ACTN4: variants seen among roughly 807,000 people sequenced by gnomAD.
ACTN4 encodes alpha-actinin-4.
In ACTN4, 18 loss-of-function variants were observed where a neutral mutation model predicts 114.2. The ratio of observed to expected loss-of-function variants is 0.16; its 90% CI spans 0.11 to 0.23. The LOEUF (loss-of-function observed/expected upper bound fraction) is 0.23. Ranked by LOEUF, ACTN4 falls within the 10% of genes least tolerant of loss-of-function variation. ACTN4 has a pLI of 1.00. For missense variants in ACTN4, 722 were observed against 1,262.9 expected (o/e 0.57, Z 6.49); for synonymous variants, 515 against 506.3 (o/e 1.02, Z -0.23).
rs370405322 is a variant in ACTN4 at position 38,712,814 on chromosome 19, A to G, written c.820-1655A>G. On this transcript the variant is annotated intron_variant, in intron 8 of 20. Coordinates refer to ENST00000252699, the MANE Select transcript of ACTN4 (RefSeq NM_004924.6). ...GCCTCACCAGATTGCTTTTCTTTCT[A>G]CCCACACTGCTCCCCTGTGCTTAGG... 1.1e-3 allele frequency among the ~76,000 whole-genome samples: 165 copies of G among 151,942 alleles called. 4 individuals are homozygous for G. In the South Asian group the frequency reaches 0.027, roughly 24 times the overall value.
At chr19:38,698,435 T>C (rs1968162442) in intron 1 of ACTN4, among the ~76,000 whole-genome samples, 1 of 152,140 alleles carries the variant, frequency 6.6e-6, no homozygotes, top group Non-Finnish European at 1.5e-5. Flanking sequence ...GAACCTGCCT[T>C]GGCTCCCCTC....
At chr19:38,665,252 A>C (rs1441923973) in intron 1 of ACTN4, among the ~76,000 whole-genome samples, 1 of 152,080 alleles carries the variant, frequency 6.6e-6, no homozygotes, top group Non-Finnish European at 1.5e-5. Flanking sequence ...CCTGGGCTCC[A>C]CACCCACCTC....
intron 19 of ACTN4, 105 bp downstream of exon 19, chr19:38,728,131 C>T: frequency 7.1e-7 from 1 of 1,410,048 alleles, no homozygotes; most frequent in Non-Finnish European, 9.8e-7. Flanking sequence ...TCCTGTGTGC[C>T]ATCTCATGGC....
chr19:38,715,808 CTT>C (rs1262649127), intron 9 of ACTN4, among the ~76,000 whole-genome samples: 15 of 152,214 alleles, frequency 9.9e-5, no homozygotes, highest in Non-Finnish European at 1.5e-4. Context: ...GTATTTCTGT[CTT>C]TGAATTTCTC....
rs763760070 is a variant in ACTN4 at position 38,709,427 on chromosome 19, C to T, written c.684C>T (p.Phe228=). 8 of 1,614,104 alleles carry T rather than the reference C, an allele frequency of 5.0e-6. No homozygotes were observed. Among genetic ancestry groups the T allele is most frequent in the East Asian group, 2.2e-5 (1 of 44,898 alleles). Residue 228 remains phenylalanine, a synonymous_variant, in exon 7 of 21, where the codon TTC becomes TTT. Coordinates refer to ENST00000252699, the MANE Select transcript of ACTN4 (RefSeq NM_004924.6). ...DDPVTNLNNA[F]EVAEKYLDIP... is the part of the protein sequence containing the mutation. The stretch of plus-strand genomic sequence containing the variant: ...CTGTCACCAACCTGAACAATGCCTT[C>T]GAAGTGGCTGAGAAATACCTCGACA...
In ACTN4 at chr19:38,717,899, A is replaced by T. The variant is rs1968897876; in HGVS notation, c.1144-28A>T. 1.9e-6 allele frequency: 3 copies of T among 1,568,374 alleles called. No homozygotes were observed. The African/African-American group carries it at 4.1e-5, about 21-fold the overall frequency. On this transcript the variant is annotated intron_variant, in intron 10 of 20. Transcript: ENST00000252699. This position sits in a 1 kb window ranked among gnomAD's most constrained non-coding sequence, Gnocchi z 4.0. ...CTGGGTGCCTCCACTTCCTTGTGAT[A>T]GCCCTGCCTGCTCCTGCCCTGCCCC...
At position 38,727,770 on chromosome 19, in the gene ACTN4, C is replaced by A. The variant is rs1003279742; in HGVS notation, c.2338-176C>A. ...AGGTTGGGGAAAGGATGAAAGGGGCCCGTGCCGCCCCCGACCCCACGTGTC... is the reference window on the plus strand; with the variant it reads ...AGGTTGGGGAAAGGATGAAAGGGGCACGTGCCGCCCCCGACCCCACGTGTC... On this transcript the variant is annotated intron_variant, in intron 18 of 20. Coordinates refer to ENST00000252699, the MANE Select transcript of ACTN4 (RefSeq NM_004924.6). This position sits in a 1 kb window ranked among gnomAD's most constrained non-coding sequence, Gnocchi z 5.4. 3.1e-6 allele frequency: 2 copies of A among 639,278 alleles called. No homozygotes were observed. The highest frequency in any genetic ancestry group is 3.6e-5 in the African/African-American group (2 of 55,078). The allele number at this position is 639,278 out of a possible 1,614,324, so 39.6% of individuals were successfully genotyped here.
intron 1 of ACTN4, among the ~76,000 whole-genome samples, chr19:38,699,663 G>T (rs1000043704): frequency 6.6e-6 from 1 of 151,982 alleles, no homozygotes; most frequent in Non-Finnish European, 1.5e-5. Context: ...GCTGAGGCAT[G>T]AGAATCGCTT....
intron 1 of ACTN4, among the ~76,000 whole-genome samples, chr19:38,662,721 T>C (rs1046447997): frequency 5.3e-5 from 8 of 152,186 alleles, no homozygotes; most frequent in Non-Finnish European, 7.4e-5. Flanking sequence ...TAAGTTTCCA[T>C]GGTGGGTGGC....
chr19:38,705,519 C>G (rs1445952032), intron 4 of ACTN4, among the ~76,000 whole-genome samples: 2 of 152,248 alleles, frequency 1.3e-5, no homozygotes, highest in Non-Finnish European at 2.9e-5. Context: ...CAGGGGCTCC[C>G]AGGTGCCAGG....
At chr19:38,721,395 G>A in intron 11 of ACTN4, 143 bp from the exon 12 acceptor site, 1 of 1,014,064 alleles carries the variant, frequency 9.9e-7, no homozygotes, top group South Asian at 1.3e-5. Context: ...AGAAGATTCT[G>A]GAAGTTTCCA....
At chr19:38,728,451 C>CCTCCTCCT in intron 19 of ACTN4, 2 of 634,224 alleles carry the variant, frequency 3.2e-6, no homozygotes, top group Non-Finnish European at 4.7e-6. Flanking sequence ...CTCCTCCTCC[C>CCTCCTCCT]CCCCACCTCT....
At chr19:38,713,891 G>A (rs1968749925) in intron 8 of ACTN4, among the ~76,000 whole-genome samples, 1 of 152,120 alleles carries the variant, frequency 6.6e-6, no homozygotes, top group East Asian at 1.9e-4. Context: ...CAGGCCCAGG[G>A]ACTATGTCCA....
At chr19:38,728,217 T>G in intron 19 of ACTN4, 191 bp downstream of exon 19, 1 of 1,393,398 alleles carries the variant, frequency 7.2e-7, no homozygotes, top group East Asian at 2.5e-5. Flanking sequence ...GTCTCCCTGC[T>G]CCCCGCCACT....
intron 8 of ACTN4, 141 bp downstream of exon 8, chr19:38,710,483 G>T: frequency 2.3e-6 from 2 of 884,624 alleles, no homozygotes; most frequent in Non-Finnish European, 3.7e-6. Context: ...GCTCCCTGGC[G>T]TTGCTGCCCC....
chr19:38,692,545 C>T (rs1416361936), intron 1 of ACTN4, among the ~76,000 whole-genome samples: 1 of 152,220 alleles, frequency 6.6e-6, no homozygotes, highest in Non-Finnish European at 1.5e-5. Flanking sequence ...CTGCCTGTGC[C>T]GCTGGTAACC....
At chr19:38,684,445 C>T (rs193075253) in intron 1 of ACTN4, among the ~76,000 whole-genome samples, 2 of 152,288 alleles carry the variant, frequency 1.3e-5, no homozygotes, top group South Asian at 2.1e-4. Context: ...TCCCCCACCC[C>T]CTGCAGGACA....
At chr19:38,677,056 C>T (rs1171165979) in intron 1 of ACTN4, among the ~76,000 whole-genome samples, 2 of 152,184 alleles carry the variant, frequency 1.3e-5, no homozygotes. Context: ...TCCTGAGGGA[C>T]TTCACACGGG....
At chr19:38,679,214 A>G (rs1045688473) in intron 1 of ACTN4, among the ~76,000 whole-genome samples, 2 of 152,144 alleles carry the variant, frequency 1.3e-5, no homozygotes, top group Non-Finnish European at 2.9e-5. Context: ...TATTTCCCGA[A>G]TACTTCTCAG....
Sources: allele counts gnomAD v4.1 joint callset (sites outside exome capture counted in the v4.1 genomes callset), GRCh38; gene constraint gnomAD v4.1.1; non-coding constraint Gnocchi (gnomAD v3.1); transcripts MANE v1.5; gene names NCBI Gene and HGNC (gene_info 2026-07-23, HGNC 2026-07-21).